The following ASIC2 variants were observed in gnomAD, a reference collection of about 807,000 sequenced individuals.
The protein encoded by ASIC2 is acid sensing ion channel subunit 2.
Under a neutral mutation model 57.3 loss-of-function variants are expected in ASIC2, and 25 were observed. The ratio of observed to expected loss-of-function variants is 0.44; its 90% CI spans 0.32 to 0.61. The LOEUF is 0.61. Ranked by LOEUF, ASIC2 falls within the 20% of genes least tolerant of loss-of-function variation. ASIC2 has a pLI of 0.06. For missense variants in ASIC2, 641 were observed against 738.1 expected (o/e 0.87, Z 1.52); for synonymous variants, 319 against 307.5 (o/e 1.04, Z -0.39).
intron 1 of ASIC2, among the ~76,000 whole-genome samples, chr17:33,712,277 G>T (rs1386550971): frequency 6.6e-6 from 1 of 152,164 alleles, no homozygotes; most frequent in East Asian, 1.9e-4. Context: ...TTTGCAAGAC[G>T]CTGTAGCTTT....
At chr17:33,983,613 C>A (rs1367792820) in intron 1 of ASIC2, among the ~76,000 whole-genome samples, 9 of 152,160 alleles carry the variant, frequency 5.9e-5, no homozygotes, top group Non-Finnish European at 4.4e-5. Context: ...GCCAATGTAC[C>A]ATGAGGCAAC....
chr17:33,508,926 A>G (rs1914348974), intron 1 of ASIC2, among the ~76,000 whole-genome samples: 1 of 152,134 alleles, frequency 6.6e-6, no homozygotes, highest in Non-Finnish European at 1.5e-5. Flanking sequence ...AGTTCAGTTG[A>G]CAAACTGTCA....
chr17:33,426,401 G>A (rs749777132), intron 1 of ASIC2, among the ~76,000 whole-genome samples: 1 of 152,174 alleles, frequency 6.6e-6, no homozygotes, highest in East Asian at 1.9e-4. Flanking sequence ...GTACCAAAAC[G>A]CAGGAGCCCA....
intron 2 of ASIC2, among the ~76,000 whole-genome samples, chr17:33,111,477 C>G (rs1301979630): frequency 6.6e-6 from 1 of 152,268 alleles, no homozygotes; most frequent in African/African-American, 2.4e-5. Flanking sequence ...TTTGGTATTC[C>G]AACACTTCCC....
intron 3 of ASIC2, among the ~76,000 whole-genome samples, chr17:33,062,773 C>A (rs1457179957): frequency 1.3e-5 from 2 of 152,126 alleles, no homozygotes; most frequent in Admixed American, 1.3e-4. Context: ...GTTAAAGTCT[C>A]CCATTATTAT....
intron 1 of ASIC2, among the ~76,000 whole-genome samples, chr17:33,180,551 A>C (rs1905940132): frequency 6.6e-6 from 1 of 152,068 alleles, no homozygotes; most frequent in Non-Finnish European, 1.5e-5. Context: ...CTTACTCTAC[A>C]TTCCACCACC....
At chr17:33,508,129 C>T (rs570665072) in intron 1 of ASIC2, among the ~76,000 whole-genome samples, 20 of 152,060 alleles carry the variant, frequency 1.3e-4, no homozygotes, top group African/African-American at 3.4e-4. Context: ...CTCCCCTCCC[C>T]GCTTCCTCCT....
intron 1 of ASIC2, among the ~76,000 whole-genome samples, chr17:33,824,237 G>A (rs1912838961): frequency 6.6e-6 from 1 of 152,160 alleles, no homozygotes; most frequent in Admixed American, 6.6e-5. Flanking sequence ...AAGATTGGAA[G>A]CACTTATTAA....
chr17:33,541,689 G>A (rs1915415846), intron 1 of ASIC2, among the ~76,000 whole-genome samples: 1 of 152,134 alleles, frequency 6.6e-6, no homozygotes, highest in South Asian at 2.1e-4. Context: ...CTCATGGAAA[G>A]GAGTGAGCCA....
At chr17:33,051,813 T>A (rs145005062) in intron 3 of ASIC2, among the ~76,000 whole-genome samples, 9 of 152,280 alleles carry the variant, frequency 5.9e-5, no homozygotes, top group African/African-American at 2.2e-4. Context: ...ACAGAAAAAT[T>A]TTGTCTGCCT....
intron 1 of ASIC2, among the ~76,000 whole-genome samples, chr17:33,974,729 C>G (rs1226673640): frequency 6.6e-6 from 1 of 151,750 alleles, no homozygotes; most frequent in African/African-American, 2.4e-5. Context: ...TTTTGTGAGG[C>G]CACACCTATT....
intron 1 of ASIC2, among the ~76,000 whole-genome samples, chr17:33,933,773 C>A (rs1915996579): frequency 6.6e-6 from 1 of 152,216 alleles, no homozygotes; most frequent in Non-Finnish European, 1.5e-5. Flanking sequence ...CGTTCATACT[C>A]CGGCATCACA....
intron 1 of ASIC2, among the ~76,000 whole-genome samples, chr17:33,570,192 C>G (rs547783605): frequency 2.5e-3 from 387 of 152,310 alleles, no homozygotes; most frequent in South Asian, 4.8e-3. Flanking sequence ...ACTTTTGTGT[C>G]CTTAAATTTA....
At chr17:33,604,680 G>C (rs1051390858) in intron 1 of ASIC2, among the ~76,000 whole-genome samples, 1 of 152,122 alleles carries the variant, frequency 6.6e-6, no homozygotes, top group Non-Finnish European at 1.5e-5. Flanking sequence ...GCTGGAGGAA[G>C]AGCAGCCCAG....
At chr17:33,429,543 A>T (rs937665609) in intron 1 of ASIC2, among the ~76,000 whole-genome samples, 1 of 152,022 alleles carries the variant, frequency 6.6e-6, no homozygotes, top group Non-Finnish European at 1.5e-5. Context: ...GGCGCCTGCC[A>T]CCATGCCCAG....
chr17:33,742,218 C>A (rs191546489), intron 1 of ASIC2, among the ~76,000 whole-genome samples: 1 of 152,312 alleles, frequency 6.6e-6, no homozygotes, highest in African/African-American at 2.4e-5. Context: ...TTGCTGCCCA[C>A]GCCCCATTTG....
At chr17:33,339,212 C>A (rs975166309) in intron 1 of ASIC2, among the ~76,000 whole-genome samples, 1 of 152,164 alleles carries the variant, frequency 6.6e-6, no homozygotes, top group East Asian at 1.9e-4. Context: ...GCTTCACCCT[C>A]AGATGAGCTT....
At chr17:33,192,261 T>A (rs1435535853) in intron 1 of ASIC2, among the ~76,000 whole-genome samples, 1 of 152,114 alleles carries the variant, frequency 6.6e-6, no homozygotes, top group Non-Finnish European at 1.5e-5. Context: ...TGGGTGCCTG[T>A]AATCCCATCT....
intron 1 of ASIC2, among the ~76,000 whole-genome samples, chr17:34,095,637 A>AATTT (rs1910501111): frequency 5.5e-5 from 7 of 126,656 alleles, no homozygotes; most frequent in Admixed American, 2.3e-4. Context: ...ATAATTTTAT[A>AATTT]TATATATATA....
Sources: allele counts gnomAD v4.1 joint callset (sites outside exome capture counted in the v4.1 genomes callset), GRCh38; gene constraint gnomAD v4.1.1; transcripts MANE v1.5; gene names NCBI Gene and HGNC (gene_info 2026-07-23, HGNC 2026-07-21).